Variants in RELN observed in about 807,000 individuals in gnomAD.
RELN encodes reelin.
A neutral mutation model predicts 427.6 loss-of-function variants in RELN; 108 were observed. That is an observed-to-expected ratio of 0.25 (90% CI 0.22 to 0.30). The LOEUF is 0.30. Ranked by LOEUF, RELN falls within the 10% of genes least tolerant of loss-of-function variation. The pLI, the probability that RELN is intolerant of heterozygous loss-of-function variation, is 1.00. For synonymous variants in RELN, 1,524 were observed against 1,513.4 expected, an observed-to-expected ratio of 1.01 and a Z score of -0.16; for missense variants, 3,715 against 4,302.8, an observed-to-expected ratio of 0.86 and a Z score of 3.82.
At chr7:103,545,066 T>C (rs1339638802) in intron 42 of RELN, 58 bp downstream of exon 42, 1 of 1,292,312 alleles carries the variant, frequency 7.7e-7, no homozygotes, top group African/African-American at 1.5e-5. Flanking sequence ...TACCAAAAAT[T>C]GTGTTTAACA....
chr7:103,608,992 G>A (rs112481045), intron 22 of RELN, among the ~76,000 whole-genome samples: 21,685 of 152,026 alleles, frequency 0.14, 1,673 homozygotes, highest in Middle Eastern at 0.29. Context: ...GGAGGTCAAG[G>A]TGGGTGGATC....
At chr7:103,927,306 C>A (rs1795766977) in intron 1 of RELN, among the ~76,000 whole-genome samples, 1 of 152,106 alleles carries the variant, frequency 6.6e-6, no homozygotes, top group South Asian at 2.1e-4. Flanking sequence ...GTTCCTGTCC[C>A]TTTTAGAAGA....
At chr7:103,832,831 T>A (rs1006936174) in intron 3 of RELN, among the ~76,000 whole-genome samples, 3 of 152,150 alleles carry the variant, frequency 2.0e-5, no homozygotes, top group Non-Finnish European at 4.4e-5. Flanking sequence ...CATTTTCTGC[T>A]TGGCACTAAT....
chr7:103,923,288 A>G (rs1795655333), intron 1 of RELN, among the ~76,000 whole-genome samples: 1 of 152,158 alleles, frequency 6.6e-6, no homozygotes, highest in African/African-American at 2.4e-5. Flanking sequence ...TCTGGGCACC[A>G]AATAGAGACC....
At chr7:103,558,100 G>T in intron 36 of RELN, 51 bp from the exon 37 acceptor site, 1 of 865,402 alleles carries the variant, frequency 1.2e-6, no homozygotes, top group East Asian at 2.4e-5. Flanking sequence ...TTGCAAAATT[G>T]TATCCCTTTG....
At position 103,616,663 on chromosome 7, in the gene RELN, CACAT is replaced by C. The variant is rs548377347; in HGVS notation, c.2703-4864_2703-4861del. 2.0e-3 allele frequency among the ~76,000 whole-genome samples: 303 copies of C among 152,180 alleles called. 4 individuals carry two copies. Among genetic ancestry groups the C allele is most frequent in the African/African-American group, 7.0e-3 (291 of 41,518 alleles). The stretch of plus-strand genomic sequence containing the variant: ...AGACAGTTTTTCTCATGTGTACACA[CACAT>C]ACTTTTTTTTAAAAAATTATGAAAT... On this transcript the variant is annotated intron_variant, in intron 20 of 64. Coordinates refer to ENST00000428762, the MANE Select transcript of RELN (RefSeq NM_005045.4).
At chr7:103,906,109 A>G (rs1318965005) in intron 2 of RELN, among the ~76,000 whole-genome samples, 1 of 152,118 alleles carries the variant, frequency 6.6e-6, no homozygotes, top group Admixed American at 6.6e-5. Context: ...TCTGGAAAAG[A>G]GGCTGAGAAG....
chr7:103,745,434 G>A (rs1263594037), intron 6 of RELN, among the ~76,000 whole-genome samples: 2 of 149,236 alleles, frequency 1.3e-5, no homozygotes, highest in Non-Finnish European at 3.0e-5. Flanking sequence ...GGCAGGAGAA[G>A]GAAATAAAGG....
chr7:103,518,325 TC>T (rs1055919978), intron 49 of RELN, among the ~76,000 whole-genome samples: 17 of 132,998 alleles, frequency 1.3e-4, no homozygotes, highest in Admixed American at 7.0e-4. Flanking sequence ...TATCTACGTT[TC>T]CTTTTTTTTT....
At chr7:103,734,575 T>G (rs2115971737) in intron 6 of RELN, among the ~76,000 whole-genome samples, 1 of 152,268 alleles carries the variant, frequency 6.6e-6, no homozygotes, top group South Asian at 2.1e-4. Flanking sequence ...CTGAACCAAT[T>G]TATCACATGC....
chr7:103,870,197 A>T (rs560849555), intron 2 of RELN, among the ~76,000 whole-genome samples: 2 of 152,142 alleles, frequency 1.3e-5, no homozygotes, highest in South Asian at 4.2e-4. Context: ...CCTATGTATA[A>T]TATCTTTAAA....
At chr7:103,883,991 A>C (rs1563070002) in intron 2 of RELN, among the ~76,000 whole-genome samples, 1 of 152,198 alleles carries the variant, frequency 6.6e-6, no homozygotes, top group African/African-American at 2.4e-5. Flanking sequence ...CTAAGCAAAA[A>C]GAGCAATGCT....
intron 28 of RELN, among the ~76,000 whole-genome samples, chr7:103,584,785 T>C (rs1218861350): frequency 6.6e-6 from 1 of 152,202 alleles, no homozygotes; most frequent in Non-Finnish European, 1.5e-5. Context: ...ACATGGAACA[T>C]TCTCAAAAAC....
intron 55 of RELN, among the ~76,000 whole-genome samples, chr7:103,497,445 A>T (rs1287974404): frequency 6.6e-6 from 1 of 152,160 alleles, no homozygotes; most frequent in Non-Finnish European, 1.5e-5. Context: ...CATAGATTAT[A>T]GCATTTATTA....
chr7:103,764,603 T>C (rs948887535), intron 4 of RELN, among the ~76,000 whole-genome samples: 6 of 151,784 alleles, frequency 4.0e-5, no homozygotes, highest in Non-Finnish European at 8.8e-5. Flanking sequence ...TTTGGGAGGC[T>C]GAGGCGAGTG....
intron 2 of RELN, among the ~76,000 whole-genome samples, chr7:103,856,321 T>C (rs1285743889): frequency 6.6e-6 from 1 of 151,864 alleles, no homozygotes; most frequent in Admixed American, 6.6e-5. Flanking sequence ...CTCACACCTG[T>C]AATCCCAGCA....
chr7:103,601,499 C>A (rs1831666964), intron 24 of RELN, among the ~76,000 whole-genome samples: 1 of 152,114 alleles, frequency 6.6e-6, no homozygotes, highest in Non-Finnish European at 1.5e-5. Context: ...TGCAACATAT[C>A]AGCCCTGTAG....
chr7:103,988,752 C>T lies in RELN; in HGVS notation c.226+379G>A, dbSNP rs934722133. On this transcript the variant is annotated intron_variant, in intron 1 of 64. Transcript: ENST00000428762. The surrounding 1 kb of genome is among the most constrained non-coding windows in gnomAD (Gnocchi z 4.9). ...CCCCCGGGGACCCATCTGGGGGGAC[C>T]GGGAGCAGGACAAAGGTCTGAAATC... Among the ~76,000 whole-genome samples the T allele has an allele frequency of 6.0e-4, 92 of 152,192 alleles. No homozygotes were observed. Among genetic ancestry groups the T allele is most frequent in the Non-Finnish European group, 1.2e-4 (8 of 68,008 alleles).
intron 61 of RELN, among the ~76,000 whole-genome samples, chr7:103,485,623 T>C (rs1828409487): frequency 1.3e-5 from 2 of 152,200 alleles, no homozygotes; most frequent in African/African-American, 4.8e-5. Flanking sequence ...TCAATCCTTC[T>C]TATGTCTTTG....
Sources: gnomAD v4.1 joint callset for allele counts (sites outside exome capture counted in the v4.1 genomes callset) on GRCh38, gnomAD v4.1.1 for gene constraint, Gnocchi (gnomAD v3.1) non-coding constraint, MANE v1.5 for transcripts, NCBI Gene and HGNC (gene_info 2026-07-23, HGNC 2026-07-21) for gene names.